The following GNA14 variants were observed in gnomAD, a reference collection of about 807,000 sequenced individuals.
GNA14 encodes the protein G protein subunit alpha 14.
GNA14 carries 50 observed loss-of-function variants against 42.0 expected under a neutral mutation model. That is an observed-to-expected ratio of 1.19 (90% CI 0.95 to 1.51). The LOEUF (loss-of-function observed/expected upper bound fraction) is 1.51. GNA14 is among the 40% of genes most tolerant of loss of function. The pLI, the probability that GNA14 is intolerant of heterozygous loss-of-function variation, is 0.00. For missense variants in GNA14, 473 were observed against 446.2 expected (o/e 1.06, Z -0.54); for synonymous variants, 173 against 163.1 (o/e 1.06, Z -0.46).
intron 2 of GNA14, among the ~76,000 whole-genome samples, chr9:77,472,766 T>C (rs761279192): frequency 1.7e-4 from 25 of 150,368 alleles, no homozygotes; most frequent in Middle Eastern, 3.4e-3. Context: ...AGTTTCCTTA[T>C]AAGAGGAAGA....
rs1267018639 is a variant in GNA14, at chr9:77,423,903, T to C, written c.*76A>G. ...TGGCATGGGGCTGGCTCTGGTGATG[T>C]CAGAAGCACTTGCAAATAAAACAAG... On this transcript the variant is annotated 3_prime_UTR_variant, in exon 7 of 7. Transcript: ENST00000341700. 1.8e-6 allele frequency: 2 copies of C among 1,085,044 alleles called. No homozygotes were observed. Among genetic ancestry groups the C allele is most frequent in the Admixed American group, 4.4e-5 (2 of 45,192 alleles). 67.2% of individuals were successfully genotyped at this position (1,085,044 alleles called of 1,614,324 possible). A position where few individuals can be genotyped will look rare whatever the true frequency, so the allele number is the denominator to read the frequency against.
chr9:77,516,870 CAAT>C (rs1837267661), intron 2 of GNA14, among the ~76,000 whole-genome samples: 4 of 152,274 alleles, frequency 2.6e-5, no homozygotes, highest in East Asian at 3.9e-4. Flanking sequence ...TCTCTTACAA[CAAT>C]AATGACAACC....
intron 1 of GNA14, among the ~76,000 whole-genome samples, chr9:77,609,619 A>G (rs532942012): frequency 1.4e-4 from 22 of 152,344 alleles, no homozygotes; most frequent in African/African-American, 5.3e-4. Flanking sequence ...TTTATTTCCC[A>G]CAGTTTGGAG....
intron 1 of GNA14, among the ~76,000 whole-genome samples, chr9:77,535,884 GTTGTT>G (rs754926160): frequency 2.8e-3 from 49 of 17,206 alleles, no homozygotes; most frequent in South Asian, 0.012. Flanking sequence ...ATTCAGTTTA[GTTGTT>G]TTGTTTTTTT....
intron 1 of GNA14, among the ~76,000 whole-genome samples, chr9:77,541,744 CTTTATT>C (rs1837663444): frequency 6.7e-6 from 1 of 150,088 alleles, no homozygotes; most frequent in Admixed American, 6.6e-5. Context: ...TTCTTTTTTT[CTTTATT>C]TTTGTCTGAT....
intron 1 of GNA14, among the ~76,000 whole-genome samples, chr9:77,601,770 G>A (rs1433425641): frequency 6.6e-6 from 1 of 152,178 alleles, no homozygotes; most frequent in Non-Finnish European, 1.5e-5. Context: ...CCCATCTGAC[G>A]GAAGCCCACT....
intron 2 of GNA14, among the ~76,000 whole-genome samples, chr9:77,487,204 T>C (rs1836677106): frequency 6.6e-6 from 1 of 152,180 alleles, no homozygotes; most frequent in African/African-American, 2.4e-5. Context: ...AGGATGGAGC[T>C]GGACAGTATG....
chr9:77,496,232 T>A (rs1432856060), intron 2 of GNA14, among the ~76,000 whole-genome samples: 1 of 152,238 alleles, frequency 6.6e-6, no homozygotes, highest in Non-Finnish European at 1.5e-5. Context: ...TTTTAGGAAA[T>A]TTTAATGTAA....
At chr9:77,644,727 G>A (rs1042952466) in intron 1 of GNA14, among the ~76,000 whole-genome samples, 5 of 152,148 alleles carry the variant, frequency 3.3e-5, no homozygotes, top group African/African-American at 1.2e-4. Flanking sequence ...CTTCCAGAGA[G>A]CTCCAAGGTA....
chr9:77,446,130 C>T (rs1587765462), intron 2 of GNA14, among the ~76,000 whole-genome samples: 1 of 152,174 alleles, frequency 6.6e-6, no homozygotes, highest in East Asian at 1.9e-4. Context: ...CTCACGGGAG[C>T]TCTCAGACCA....
intron 2 of GNA14, among the ~76,000 whole-genome samples, chr9:77,481,527 T>G (rs1836551971): frequency 6.6e-6 from 1 of 152,162 alleles, no homozygotes; most frequent in African/African-American, 2.4e-5. Flanking sequence ...TATATTCTGT[T>G]GATTTGGGGT....
At chr9:77,480,219 T>C (rs948749396) in intron 2 of GNA14, among the ~76,000 whole-genome samples, 1 of 152,182 alleles carries the variant, frequency 6.6e-6, no homozygotes, top group Non-Finnish European at 1.5e-5. Context: ...TTTTGAGATA[T>C]GTCCGATCAC....
chr9:77,498,817 G>A (rs1402199519), intron 2 of GNA14, among the ~76,000 whole-genome samples: 1 of 152,140 alleles, frequency 6.6e-6, no homozygotes, highest in African/African-American at 2.4e-5. Flanking sequence ...GGCTTTGCGG[G>A]GTGTGGGTGT....
chr9:77,621,427 G>A (rs1013430221), intron 1 of GNA14, among the ~76,000 whole-genome samples: 7 of 152,162 alleles, frequency 4.6e-5, no homozygotes, highest in African/African-American at 1.4e-4. Flanking sequence ...ATTATCTGGT[G>A]GTGTGTATGG....
chr9:77,462,771 T>C (rs1329469935), intron 2 of GNA14, among the ~76,000 whole-genome samples: 5 of 151,250 alleles, frequency 3.3e-5, no homozygotes, highest in African/African-American at 4.8e-5. Flanking sequence ...TTATCCTTTC[T>C]GCCCCTCGAT....
chr9:77,428,834 C>G lies in GNA14; in HGVS notation c.723+73G>C, dbSNP rs1013789302. 4.0e-6 allele frequency: 6 copies of G among 1,499,370 alleles called. No homozygotes were observed. In the African/African-American group the frequency reaches 8.3e-5, roughly 21 times the overall value. The allele number at this position is 1,499,370 out of a possible 1,614,324, so 92.9% of individuals were successfully genotyped here. On this transcript the variant is annotated intron_variant, in intron 5 of 6. Coordinates refer to ENST00000341700, the MANE Select transcript of GNA14 (RefSeq NM_004297.4). Reference sequence around the variant, plus strand: ...CTAATGACGAGGGTCTATTTCCTGACCCGGCTGCCTTCTTAGAAACCACAG... The same window carrying G: ...CTAATGACGAGGGTCTATTTCCTGAGCCGGCTGCCTTCTTAGAAACCACAG...
In GNA14 at chr9:77,502,089, T is replaced by G. The variant is rs12347109; in HGVS notation, c.309+26980A>C. On this transcript the variant is annotated intron_variant, in intron 2 of 6. Transcript: ENST00000341700. ...ATGTTCTGTTGCTCAGCCAATCCATTGAGTATATTGTTTTGGTTATATTTT... is the reference window on the plus strand; with the variant it reads ...ATGTTCTGTTGCTCAGCCAATCCATGGAGTATATTGTTTTGGTTATATTTT... Among the ~76,000 whole-genome samples the G allele has an allele frequency of 5.8e-3, 887 of 152,332 alleles. 7 individuals are homozygous for G. Among genetic ancestry groups the G allele is most frequent in the African/African-American group, 0.02 (824 of 41,580 alleles).
rs964611638 is a variant in GNA14, at chr9:77,559,813, T to C, written c.125-30560A>G. On this transcript the variant is annotated intron_variant, in intron 1 of 6. Transcript: ENST00000341700. ...ACAAATGGTCCTTCCATCCTTTTCT[T>C]TGGAGGTGCAGTCATGGCTTAATAG... is the stretch of plus-strand genomic sequence containing the variant. Among the ~76,000 whole-genome samples, 8 of 152,354 alleles carry C rather than the reference T, an allele frequency of 5.3e-5. No individual in the cohort carries two copies. The South Asian group carries it at 8.3e-4, about 16-fold the overall frequency.
intron 1 of GNA14, among the ~76,000 whole-genome samples, chr9:77,585,693 G>C (rs911798144): frequency 6.6e-6 from 1 of 152,166 alleles, no homozygotes; most frequent in African/African-American, 2.4e-5. Flanking sequence ...GACCAGCACA[G>C]AGCAGCACAG....
Sources: gnomAD v4.1 joint callset for allele counts (sites outside exome capture counted in the v4.1 genomes callset) on GRCh38, gnomAD v4.1.1 for gene constraint, MANE v1.5 for transcripts, NCBI Gene and HGNC (gene_info 2026-07-23, HGNC 2026-07-21) for gene names.